Variants in SLITRK3 observed in about 807,000 individuals in gnomAD.
SLITRK3 encodes SLIT and NTRK like family member 3.
A neutral mutation model predicts 63.6 loss-of-function variants in SLITRK3; 16 were observed. The ratio of observed to expected loss-of-function variants is 0.25; its 90% confidence interval spans 0.17 to 0.38. SLITRK3 has a LOEUF of 0.38. Ranked by LOEUF, SLITRK3 falls within the 10% of genes least tolerant of loss-of-function variation. The pLI is 1.00. For synonymous variants in SLITRK3, 547 were observed against 451.6 expected (o/e 1.21, Z -2.68); for missense variants, 1,117 against 1,181.4 (o/e 0.95, Z 0.80).
At position 165,189,343 on chromosome 3, in the gene SLITRK3, C is replaced by T; in HGVS notation, c.1488G>A (p.Gln496=). 6.2e-7 allele frequency: 1 copy of T among 1,614,162 alleles called. No homozygotes were observed. Among genetic ancestry groups the T allele is most frequent in the Non-Finnish European group, 8.5e-7 (1 of 1,180,042 alleles). ...YFEFNVIREI[Q]PAAFSLMPNL... The stretch of plus-strand genomic sequence containing the variant: ...TGGGCATGAGGCTGAAGGCTGCAGG[C>T]TGGATTTCCCGGATGACATTGAACT... The change falls in exon 2 of 2, where the codon CAG becomes CAA. Residue 496 remains glutamine (Q), a synonymous_variant. Transcript: ENST00000475390. This position sits in a 1 kb window ranked among gnomAD's most constrained non-coding sequence, Gnocchi z 4.0.
chr3:165,189,584 C>G lies in SLITRK3; in HGVS notation c.1247G>C (p.Ser416Thr), dbSNP rs1718103361. ...GTATATTTTCTGAATCAGATTGCTACTCAGATACAGTTTCTTGGCATTCAA... is the reference window on the plus strand; with the variant it reads ...GTATATTTTCTGAATCAGATTGCTAGTCAGATACAGTTTCTTGGCATTCAA... Reference protein sequence around the residue: ...RPLNAKKLYLSSNLIQKIYRS... With the variant: ...RPLNAKKLYLTSNLIQKIYRS... Residue 416 changes from serine (S) to threonine (T), a missense_variant, in exon 2 of 2, where the codon AGT becomes ACT. Around this residue, in one of 4 missense-constraint regions of SLITRK3, gnomAD observed 452 missense variants for 495.3 expected, o/e 0.91. Transcript: ENST00000475390. The surrounding 1 kb of genome is among the most constrained non-coding windows in gnomAD (Gnocchi z 4.0). 1.2e-6 allele frequency: 2 copies of G among 1,614,134 alleles called. No homozygotes were observed. The highest frequency in any genetic ancestry group is 8.5e-7 in the Non-Finnish European group (1 of 1,180,012).
chr3:165,188,221 C>A lies in SLITRK3; in HGVS notation c.2610G>T (p.Val870=). Residue 870 remains valine (V), a synonymous_variant, in exon 2 of 2, where the codon GTG becomes GTT. Coordinates refer to ENST00000475390, the MANE Select transcript of SLITRK3 (RefSeq NM_001318810.2). ...FRHHEKNGGV[V]LFPPGGGCGS... ...CACAGCCTCCCCCAGGAGGAAACAG[C>A]ACCACCCCACCATTTTTCTCATGGT... The A allele has an allele frequency of 6.2e-7, 1 of 1,613,880 alleles. No individual in the cohort carries two copies. The highest frequency in any genetic ancestry group is 8.5e-7 in the Non-Finnish European group (1 of 1,179,950).
At chr3:165,192,691 GAAAA>G (rs60098565) in intron 1 of SLITRK3, among the ~76,000 whole-genome samples, 1 of 138,666 alleles carries the variant, frequency 7.2e-6, no homozygotes, top group African/African-American at 2.6e-5. Context: ...GGGACTAAGA[GAAAA>G]AAAAAAAAAG....
At position 165,189,178 on chromosome 3, in the gene SLITRK3, C is replaced by T; in HGVS notation, c.1653G>A (p.Leu551=). 1 of 1,614,148 alleles carries T rather than the reference C, an allele frequency of 6.2e-7. No homozygotes were observed. Among genetic ancestry groups the T allele is most frequent in the Non-Finnish European group, 8.5e-7 (1 of 1,180,034 alleles). Residue 551 remains leucine, a synonymous_variant, in exon 2 of 2, where the codon TTG becomes TTA. Coordinates refer to ENST00000475390, the MANE Select transcript of SLITRK3 (RefSeq NM_001318810.2). The surrounding 1 kb of genome is among the most constrained non-coding windows in gnomAD (Gnocchi z 4.0). ...TGAGGTCTATCTGGACAATGGCATT[C>T]AAGTGTTCCAGGACACCAGCCACGG... ...YLPVAGVLEH[L]NAIVQIDLNE...
rs979821966 is a variant in SLITRK3, at chr3:165,190,749, T to C, written c.82A>G (p.Thr28Ala). 2 of 1,613,954 alleles carry C rather than the reference T, an allele frequency of 1.2e-6. No individual in the cohort carries two copies. The highest frequency in any genetic ancestry group is 3.3e-5 in the Admixed American group (2 of 60,000). The part of the protein sequence containing the change: ...ILLSTIALGW[T>A]TPIPLIEDSE... ...TCCTCTATTAGGGGAATCGGGGTAG[T>C]CCATCCTAGAGCAATTGTGCTTAGA... The change falls in exon 2 of 2, where the codon ACT becomes GCT. Residue 28 changes from threonine (T) to alanine (A), a missense_variant. Coordinates refer to ENST00000475390, the MANE Select transcript of SLITRK3 (RefSeq NM_001318810.2).
rs201622569 is a variant in SLITRK3, at chr3:165,189,023, C to T, written c.1808G>A (p.Arg603His). The T allele has an allele frequency of 2.5e-6, 4 of 1,614,164 alleles. No homozygotes were observed. The highest frequency in any genetic ancestry group is 1.3e-5 in the African/African-American group (1 of 75,034). Residue 603 changes from arginine to histidine, a missense_variant, in exon 2 of 2, where the codon CGC becomes CAC. Physicochemically the swap from Arg to His is conservative, Grantham distance 29. Coordinates refer to ENST00000475390, the MANE Select transcript of SLITRK3 (RefSeq NM_001318810.2). This position sits in a 1 kb window ranked among gnomAD's most constrained non-coding sequence, Gnocchi z 4.0. ...SPENLTHRDV[R>H]TIELEVLCPE... is the part of the protein sequence containing the mutation. The stretch of plus-strand genomic sequence containing the variant: ...GCAAAGAACTTCCAGCTCAATAGTG[C>T]GCACATCACGGTGCGTGAGGTTCTC...
intron 1 of SLITRK3, among the ~76,000 whole-genome samples, chr3:165,193,392 GT>G (rs889724488): frequency 1.3e-5 from 2 of 151,710 alleles, no homozygotes; most frequent in Non-Finnish European, 2.9e-5. Context: ...AGTGCAGGTG[GT>G]TTGAAAAGTG....
chr3:165,190,353 C>A lies in SLITRK3; in HGVS notation c.478G>T (p.Val160Phe). Residue 160 changes from valine (V) to phenylalanine (F), a missense_variant, in exon 2 of 2, where the codon GTC (valine) becomes TTC (phenylalanine). Physicochemically the swap from Val to Phe is conservative, Grantham distance 50 (BLOSUM62 -1). Around this residue, in one of 4 missense-constraint regions of SLITRK3, gnomAD observed 452 missense variants for 495.3 expected, o/e 0.91. Coordinates refer to ENST00000475390, the MANE Select transcript of SLITRK3 (RefSeq NM_001318810.2). Reference sequence around the variant, plus strand: ...GCCCCACTCTCAATACGTTTAATGACATTGTAATCTGCCTGCAGATATTCT... The same window carrying A: ...GCCCCACTCTCAATACGTTTAATGAAATTGTAATCTGCCTGCAGATATTCT... ...SLEYLQADYN[V>F]IKRIESGAFR... is the part of the protein sequence containing the mutation. 6.2e-7 allele frequency: 1 copy of A among 1,614,158 alleles called. No homozygotes were observed. The highest frequency in any genetic ancestry group is 8.5e-7 in the Non-Finnish European group (1 of 1,180,032).
In SLITRK3 at chr3:165,190,550, G is replaced by C. The variant is rs776059953; in HGVS notation, c.281C>G (p.Thr94Ser). The C allele has an allele frequency of 6.2e-7, 1 of 1,613,788 alleles. No homozygotes were observed. The change falls in exon 2 of 2, where the codon ACC becomes AGC. Residue 94 changes from threonine (T) to serine (S), a missense_variant. Physicochemically the swap from Thr to Ser is moderately conservative, Grantham distance 58 (BLOSUM62 1). This residue lies in a region of SLITRK3 where 452 missense variants were observed against 495.3 expected (regional missense o/e 0.91). Coordinates refer to ENST00000475390, the MANE Select transcript of SLITRK3 (RefSeq NM_001318810.2). ...ATTATTCAAATGAAGAAAACTGTTG[G>C]TATATAATTTCCTCATAGAATTCCT... is the stretch of plus-strand genomic sequence containing the variant. ...LQRNSMRKLY[T>S]NSFLHLNNAV...
At chr3:165,196,975 G>GCT (rs139799297), upstream of SLITRK3, 5 of 95,638 alleles carry the variant, frequency 5.2e-5, no homozygotes, top group Admixed American at 1.2e-4. Context: ...TCTCGCTCTC[G>GCT]CTCTCTCTCT....
chr3:165,188,457 G>A lies in SLITRK3; in HGVS notation c.2374C>T (p.Leu792=). 6.2e-7 allele frequency: 1 copy of A among 1,613,740 alleles called. No homozygotes were observed. The highest frequency in any genetic ancestry group is 8.5e-7 in the Non-Finnish European group (1 of 1,179,868). ...TQPPGMGEAL[L]GSEQFAETPK... ...GTCTCAGCAAACTGCTCACTTCCTAGGAGAGCCTCACCCATTCCCGGTGGT... is the reference window on the plus strand; with the variant it reads ...GTCTCAGCAAACTGCTCACTTCCTAAGAGAGCCTCACCCATTCCCGGTGGT... The change falls in exon 2 of 2, where the codon CTA becomes TTA. Residue 792 remains leucine (L), a synonymous_variant. Transcript: ENST00000475390.
Position 165,190,940 on chromosome 3 carries a change from A to G in SLITRK3, c.-21-89T>C, listed in dbSNP as rs112687157. 3 of 934,306 alleles carry G rather than the reference A, an allele frequency of 3.2e-6. No individual in the cohort carries two copies. The African/African-American group carries it at 5.0e-5, about 16-fold the overall frequency. 57.9% of individuals were successfully genotyped at this position (934,306 alleles called of 1,614,324 possible). On this transcript the variant is annotated intron_variant, in intron 1 of 1. Coordinates refer to ENST00000475390, the MANE Select transcript of SLITRK3 (RefSeq NM_001318810.2). ...CTACATGTGGGGCATTTTAAGAGCT[A>G]TATAAAAACTTCAGCAATTGTTGAA...
chr3:165,192,256 G>A (rs910516391), intron 1 of SLITRK3, among the ~76,000 whole-genome samples: 10 of 152,224 alleles, frequency 6.6e-5, no homozygotes, highest in Non-Finnish European at 1.2e-4. Flanking sequence ...GTAAAGAAAG[G>A]AGATACCGTG....
At chr3:165,196,688 C>G (rs1718430175), upstream of SLITRK3, 1 of 152,278 alleles carries the variant, frequency 6.6e-6, no homozygotes, top group African/African-American at 2.4e-5. Flanking sequence ...TCAGCCGCCC[C>G]CAAATCGCGC....
chr3:165,196,906 T>TCTCTCTCTCTC (rs1560057602), upstream of SLITRK3: 57 of 143,520 alleles, frequency 4.0e-4, no homozygotes, highest in African/African-American at 1.3e-3. Flanking sequence ...TGTCTCTCTC[T>TCTCTCTCTCTC]CTCTCTCTCT....
rs182887173 is a variant in SLITRK3 at position 165,188,665 on chromosome 3, A to C, written c.2166T>G (p.Gly722=). 9.3e-6 allele frequency: 15 copies of C among 1,613,600 alleles called. No individual in the cohort carries two copies. The highest frequency in any genetic ancestry group is 1.2e-5 in the Non-Finnish European group (14 of 1,179,890). ...CTGGAGAGGAAAGAGTTGGTCGACCACCACCCCCACTTCCGCCACCACCAC... is the reference window on the plus strand; with the variant it reads ...CTGGAGAGGAAAGAGTTGGTCGACCCCCACCCCCACTTCCGCCACCACCAC... ...GGGGGGGSGG[G]GRPTLSSPEK... The change falls in exon 2 of 2, where the codon GGT becomes GGG. Residue 722 remains glycine, a synonymous_variant. Coordinates refer to ENST00000475390, the MANE Select transcript of SLITRK3 (RefSeq NM_001318810.2).
Position 165,187,803 on chromosome 3 carries a change from A to T in SLITRK3, c.*94T>A. The stretch of plus-strand genomic sequence containing the variant: ...TAGGAAAGATCGTGAGGATGGAGTT[A>T]CTGGGACAAGTGTAAAGGGAGCAAG... On this transcript the variant is annotated 3_prime_UTR_variant, in exon 2 of 2. Transcript: ENST00000475390. 9.7e-7 allele frequency: 1 copy of T among 1,033,386 alleles called. No homozygotes were observed. Among genetic ancestry groups the T allele is most frequent in the Non-Finnish European group, 1.4e-6 (1 of 703,936 alleles). 64.0% of individuals were successfully genotyped at this position (1,033,386 alleles called of 1,614,324 possible).
chr3:165,189,723 G>C lies in SLITRK3; in HGVS notation c.1108C>G (p.Pro370Ala), dbSNP rs1456860557. ...IAPYQTRPPI[P>A]IICPTGCTCN... The stretch of plus-strand genomic sequence containing the variant: ...GTACACCCAGTGGGGCATATAATGG[G>C]GATTGGTGGTCTGGTCTGATAAGGA... The change falls in exon 2 of 2, where the codon CCC (proline) becomes GCC (alanine). Residue 370 changes from proline to alanine, a missense_variant. By Grantham distance (27) the Pro-to-Ala change is conservative. This residue lies in a region of SLITRK3 where 452 missense variants were observed against 495.3 expected (regional missense o/e 0.91). Coordinates refer to ENST00000475390, the MANE Select transcript of SLITRK3 (RefSeq NM_001318810.2). This position sits in a 1 kb window ranked among gnomAD's most constrained non-coding sequence, Gnocchi z 4.0. 1.2e-6 allele frequency: 2 copies of C among 1,614,154 alleles called. No individual in the cohort carries two copies.
rs1375382565 is a variant in SLITRK3 at position 165,190,672 on chromosome 3, T to C, written c.159A>G (p.Lys53=). ...PCFDPCYCEV[K]ESLFHIHCDS... ...CACAATGTATATGAAAGAGGCTTTC[T>C]TTAACTTCACAGTAGCATGGATCAA... Residue 53 remains lysine, a synonymous_variant, in exon 2 of 2, where the codon AAA becomes AAG. Transcript: ENST00000475390. The C allele has an allele frequency of 6.2e-7, 1 of 1,614,152 alleles. No individual in the cohort carries two copies. Among genetic ancestry groups the C allele is most frequent in the South Asian group, 1.1e-5 (1 of 91,084 alleles).
Sources: gnomAD v4.1 joint callset for allele counts (sites outside exome capture counted in the v4.1 genomes callset) on GRCh38, gnomAD v4.1.1 for gene constraint, gnomAD v4.1.1 regional missense constraint, Gnocchi (gnomAD v3.1) non-coding constraint, MANE v1.5 for transcripts, NCBI Gene and HGNC (gene_info 2026-07-23, HGNC 2026-07-21) for gene names.